GTF2IRD1: variants seen among roughly 807,000 people sequenced by gnomAD.
The protein encoded by GTF2IRD1 is general transcription factor II-I repeat domain-containing protein 1.
Under a neutral mutation model 113.2 loss-of-function variants are expected in GTF2IRD1, and 26 were observed. The observed-to-expected ratio is 0.23, with a 90% CI of 0.17 to 0.32. The LOEUF is 0.32. Ranked by LOEUF, GTF2IRD1 falls within the 10% of genes least tolerant of loss-of-function variation. The pLI, the probability that GTF2IRD1 is intolerant of heterozygous loss-of-function variation, is 1.00. For synonymous variants in GTF2IRD1, 484 were observed against 529.1 expected (o/e 0.91, Z 1.17); for missense variants, 864 against 1,280.8 (o/e 0.67, Z 4.97).
Position 74,566,006 on chromosome 7 carries a change from A to AACACACACACACAC in GTF2IRD1, c.2320+6370_2320+6383dup, listed in dbSNP as rs66556824. 3.0e-3 allele frequency among the ~76,000 whole-genome samples: 425 copies of AACACACACACACAC among 143,210 alleles called. 1 individual carries two copies. The highest frequency in any genetic ancestry group is 3.5e-3 in the Middle Eastern group (1 of 282). The allele number at this position is 143,210 out of a possible 152,430, so 94.0% of individuals were successfully genotyped here. On this transcript the variant is annotated intron_variant, in intron 22 of 26. Coordinates refer to ENST00000424337, the MANE Select transcript of GTF2IRD1 (RefSeq NM_005685.4). ...AGACCCTCTCTCTAAAAGACACACA[A>AACACACACACACAC]ACACACACACACACACACACACACA...
intron 9 of GTF2IRD1, among the ~76,000 whole-genome samples, chr7:74,530,441 G>A (rs748631415): frequency 6.6e-6 from 1 of 151,004 alleles, no homozygotes. Flanking sequence ...GGCCTTTTGA[G>A]GATTGAATGG....
At chr7:74,535,227 C>T in intron 10 of GTF2IRD1, 89 bp downstream of exon 10, 1 of 1,000,966 alleles carries the variant, frequency 1.0e-6, no homozygotes, top group East Asian at 2.4e-5. Flanking sequence ...CTTGGTCCTC[C>T]TGAGCGCCTC....
intron 1 of GTF2IRD1, among the ~76,000 whole-genome samples, chr7:74,473,932 C>A (rs1794252013): frequency 6.6e-6 from 1 of 151,860 alleles, no homozygotes; most frequent in African/African-American, 2.4e-5. Flanking sequence ...ACTAAAAATA[C>A]AAAAATTAAG....
intron 22 of GTF2IRD1, among the ~76,000 whole-genome samples, chr7:74,575,179 A>G (rs1800966454): frequency 1.3e-5 from 2 of 152,090 alleles, no homozygotes; most frequent in South Asian, 2.1e-4. Context: ...AGCGTAAACC[A>G]TGGGAGCAAT....
chr7:74,473,363 G>C (rs1159127597), intron 1 of GTF2IRD1, among the ~76,000 whole-genome samples: 1 of 152,104 alleles, frequency 6.6e-6, no homozygotes, highest in Non-Finnish European at 1.5e-5. Context: ...CCAGCCTGGG[G>C]CTGCCAAGAG....
intron 1 of GTF2IRD1, among the ~76,000 whole-genome samples, chr7:74,476,406 C>T (rs1332378689): frequency 1.4e-5 from 2 of 142,528 alleles, no homozygotes; most frequent in Non-Finnish European, 3.0e-5. Flanking sequence ...ACTCTGTCGC[C>T]CAGGCTGGAG....
intron 2 of GTF2IRD1, among the ~76,000 whole-genome samples, chr7:74,511,614 G>T (rs532354806): frequency 6.6e-6 from 1 of 152,198 alleles, no homozygotes. Context: ...CCCACGCCGC[G>T]TGCACCTTCC....
intron 25 of GTF2IRD1, among the ~76,000 whole-genome samples, chr7:74,596,809 T>C (rs1464501174): frequency 6.6e-6 from 1 of 152,068 alleles, no homozygotes; most frequent in East Asian, 1.9e-4. Flanking sequence ...TTTTCTCCCA[T>C]CCAAGTACTA....
intron 1 of GTF2IRD1, among the ~76,000 whole-genome samples, chr7:74,472,372 CTCTT>C (rs1794164620): frequency 1.3e-5 from 2 of 152,340 alleles, no homozygotes; most frequent in African/African-American, 2.4e-5. Flanking sequence ...CTGGCCTCTT[CTCTT>C]TTTCAGATGG....
chr7:74,532,486 G>A (rs1299084825), intron 9 of GTF2IRD1, among the ~76,000 whole-genome samples: 3 of 152,148 alleles, frequency 2.0e-5, no homozygotes, highest in Non-Finnish European at 2.9e-5. Context: ...CCCAGGAATT[G>A]GAGGCTGCAG....
intron 14 of GTF2IRD1, among the ~76,000 whole-genome samples, chr7:74,543,072 G>T (rs1223805734): frequency 1.4e-5 from 2 of 140,894 alleles, no homozygotes; most frequent in African/African-American, 5.2e-5. Flanking sequence ...TTGGGAGGCC[G>T]AGGCGGGATC....
Position 74,539,813 on chromosome 7 carries a change from C to T in GTF2IRD1, c.1529-66C>T. On this transcript the variant is annotated intron_variant, in intron 13 of 26. Coordinates refer to ENST00000424337, the MANE Select transcript of GTF2IRD1 (RefSeq NM_005685.4). ...GTGGGGAGACTGGGCTGGGTGGGCCCTGAGGGACTGTGACAGGAGTATGAC... is the reference window on the plus strand; with the variant it reads ...GTGGGGAGACTGGGCTGGGTGGGCCTTGAGGGACTGTGACAGGAGTATGAC... The T allele has an allele frequency of 2.6e-6, 3 of 1,137,796 alleles. 1 individual carries two copies. The highest frequency in any genetic ancestry group is 4.0e-6 in the Non-Finnish European group (3 of 749,474). 70.5% of individuals were successfully genotyped at this position (1,137,796 alleles called of 1,614,324 possible).
intron 22 of GTF2IRD1, among the ~76,000 whole-genome samples, chr7:74,570,528 T>C (rs1188580043): frequency 6.6e-6 from 1 of 151,018 alleles, no homozygotes; most frequent in Non-Finnish European, 1.5e-5. Context: ...GTGGCACACA[T>C]CTGTAGTCTC....
At chr7:74,596,654 GA>G (rs1802434779) in intron 25 of GTF2IRD1, among the ~76,000 whole-genome samples, 1 of 151,476 alleles carries the variant, frequency 6.6e-6, no homozygotes, top group Admixed American at 6.6e-5. Flanking sequence ...AAAAGAAAAA[GA>G]AAAAGAAACA....
At chr7:74,557,550 C>G in intron 19 of GTF2IRD1, 89 bp from the exon 20 acceptor site, 1 of 816,494 alleles carries the variant, frequency 1.2e-6, no homozygotes, top group Non-Finnish European at 2.0e-6. Flanking sequence ...AGAAGGAGTT[C>G]CCCATAATTA....
At chr7:74,584,442 C>A (rs755718472) in intron 22 of GTF2IRD1, among the ~76,000 whole-genome samples, 1 of 151,198 alleles carries the variant, frequency 6.6e-6, no homozygotes, top group African/African-American at 2.4e-5. Context: ...GACTCTGTCT[C>A]GAAAAATAAA....
At chr7:74,522,028 G>A (rs925245497) in intron 7 of GTF2IRD1, among the ~76,000 whole-genome samples, 5 of 152,094 alleles carry the variant, frequency 3.3e-5, no homozygotes, top group Non-Finnish European at 5.9e-5. Context: ...ATGTGGGCTA[G>A]CCTTGACGGG....
chr7:74,492,836 C>T (rs908067428), intron 1 of GTF2IRD1, among the ~76,000 whole-genome samples: 2 of 151,898 alleles, frequency 1.3e-5, no homozygotes, highest in Non-Finnish European at 2.9e-5. Flanking sequence ...GGCTTGTGGC[C>T]GCATCACTCC....
intron 3 of GTF2IRD1, among the ~76,000 whole-genome samples, chr7:74,513,836 G>C (rs976660773): frequency 6.6e-6 from 1 of 152,038 alleles, no homozygotes; most frequent in African/African-American, 2.4e-5. Flanking sequence ...ACATAGCAAG[G>C]CCTCTGTCTC....
Sources: allele counts gnomAD v4.1 joint callset (sites outside exome capture counted in the v4.1 genomes callset), GRCh38; gene constraint gnomAD v4.1.1; transcripts MANE v1.5; gene names NCBI Gene and HGNC (gene_info 2026-07-23, HGNC 2026-07-21).